KMT2E: variants seen among roughly 807,000 people sequenced by gnomAD.
KMT2E encodes lysine methyltransferase 2E (inactive).
Under a neutral mutation model 184.6 loss-of-function variants are expected in KMT2E, and 30 were observed. That is an observed-to-expected ratio of 0.16 (90% CI 0.12 to 0.22). The LOEUF (loss-of-function observed/expected upper bound fraction) is 0.22. KMT2E is among the 10% of genes least tolerant of loss of function. The pLI is 1.00. For synonymous variants in KMT2E, 815 were observed against 776.5 expected (o/e 1.05, Z -0.82); for missense variants, 2,023 against 2,237.4 (o/e 0.90, Z 1.93).
intron 3 of KMT2E, among the ~76,000 whole-genome samples, chr7:105,042,218 T>C (rs867227251): frequency 2.0e-4 from 31 of 152,150 alleles, no homozygotes; most frequent in African/African-American, 7.2e-4. Flanking sequence ...CTCGAACTCC[T>C]GGGCTCAAGC....
At chr7:105,087,113 T>A (rs1798006191) in intron 13 of KMT2E, among the ~76,000 whole-genome samples, 1 of 147,376 alleles carries the variant, frequency 6.8e-6, no homozygotes, top group Admixed American at 6.9e-5. Context: ...ATAGCATATG[T>A]GCTATGTATG....
chr7:105,106,565 A>G lies in KMT2E; in HGVS notation c.2640A>G (p.Leu880=). The G allele has an allele frequency of 1.2e-6, 2 of 1,612,536 alleles. No individual in the cohort carries two copies. Among genetic ancestry groups the G allele is most frequent in the Non-Finnish European group, 1.7e-6 (2 of 1,178,476 alleles). Residue 880 remains leucine (L), a synonymous_variant, in exon 20 of 27, where the codon CTA becomes CTG. Coordinates refer to ENST00000311117, the MANE Select transcript of KMT2E (RefSeq NM_182931.3). ...AAAAACGAAGATTTTATCAGTTGCT[A>G]GATTCGGTTTACTCAGAAACCTCCA... ...PLKKRRFYQL[L]DSVYSETSTP...
intron 26 of KMT2E, among the ~76,000 whole-genome samples, 166 bp from the exon 27 acceptor site, chr7:105,111,659 A>G (rs1799287105): frequency 6.6e-6 from 1 of 152,178 alleles, no homozygotes; most frequent in African/African-American, 2.4e-5. Context: ...CAACTGAAAA[A>G]TATTGGCCTT....
chr7:105,101,292 A>G lies in KMT2E; in HGVS notation c.1723-133A>G, dbSNP rs59290277. ...GAACAGAAATGTTTTTTCTCCCCAT[A>G]TCCACCAATAATAGAAGTAGTTTGC... On this transcript the variant is annotated intron_variant, in intron 15 of 26. Transcript: ENST00000311117. 5.0e-3 allele frequency: 2,775 copies of G among 551,492 alleles called. 76 individuals are homozygous for G. The East Asian group carries it at 0.059, about 12-fold the overall frequency. 34.2% of individuals were successfully genotyped at this position (551,492 alleles called of 1,614,324 possible).
chr7:105,067,096 AAGG>A (rs1467606528), intron 6 of KMT2E, among the ~76,000 whole-genome samples: 16 of 151,024 alleles, frequency 1.1e-4, no homozygotes, highest in Admixed American at 4.6e-4. Flanking sequence ...AAAAAGAAAA[AAGG>A]AGAATTAATG....
At position 105,109,033 on chromosome 7, in the gene KMT2E, A is replaced by C. The variant is rs1446783417; in HGVS notation, c.3560A>C (p.His1187Pro). ...ENFPLISVSP[H>P]ASGSLSNNGD... ...TTTCCACTCATTAGTGTATCACCCCATGCAAGTGGAAGCTTGAGCAACAAT... is the reference window on the plus strand; with the variant it reads ...TTTCCACTCATTAGTGTATCACCCCCTGCAAGTGGAAGCTTGAGCAACAAT... Residue 1187 changes from histidine to proline, a missense_variant, in exon 23 of 27, where the codon CAT (histidine) becomes CCT (proline). Physicochemically the swap from His to Pro is moderately conservative, Grantham distance 77. This residue lies in a region of KMT2E where 1,108 missense variants were observed against 1,050.9 expected (regional missense o/e 1.05). Transcript: ENST00000311117. 1 of 1,614,076 alleles carries C rather than the reference A, an allele frequency of 6.2e-7. No individual in the cohort carries two copies. Among genetic ancestry groups the C allele is most frequent in the Non-Finnish European group, 8.5e-7 (1 of 1,180,014 alleles).
chr7:105,103,348 T>A (rs1376098491), intron 17 of KMT2E: 1 of 152,228 alleles, frequency 6.6e-6, no homozygotes, highest in Non-Finnish European at 1.5e-5. Flanking sequence ...ACATACTGTT[T>A]GACAGAGTAC....
At chr7:105,023,401 T>TAAAAAA (rs1795033209) in intron 1 of KMT2E, among the ~76,000 whole-genome samples, 1 of 54,712 alleles carries the variant, frequency 1.8e-5, no homozygotes, top group African/African-American at 1.7e-4. Context: ...AGACTCTGTC[T>TAAAAAA]CAAAAAAAAA....
At chr7:105,015,334 C>T (rs1237849357) in intron 1 of KMT2E, among the ~76,000 whole-genome samples, 1 of 152,138 alleles carries the variant, frequency 6.6e-6, no homozygotes, top group African/African-American at 2.4e-5. Flanking sequence ...GAGAAAAAAA[C>T]AATCCAGAGT....
intron 6 of KMT2E, 39 bp downstream of exon 6, chr7:105,066,846 A>C (rs759890223): frequency 6.7e-6 from 9 of 1,338,224 alleles, no homozygotes; most frequent in African/African-American, 2.9e-5. Context: ...CAGTAATTTT[A>C]CTGAGGTAAT....
intron 3 of KMT2E, among the ~76,000 whole-genome samples, chr7:105,051,094 T>TTC (rs67837076): frequency 6.7e-6 from 1 of 149,356 alleles, no homozygotes; most frequent in Non-Finnish European, 1.5e-5. Context: ...TCTTTCTTTT[T>TTC]TCTCTCTCTC....
At chr7:105,035,854 C>T (rs138439482) in intron 1 of KMT2E, among the ~76,000 whole-genome samples, 224 of 152,232 alleles carry the variant, frequency 1.5e-3, no homozygotes, top group African/African-American at 5.0e-3. Context: ...CCACCACACC[C>T]GGCCATAAAC....
At position 105,113,388 on chromosome 7, in the gene KMT2E, A is replaced by T; in HGVS notation, c.*55A>T. 1.3e-6 allele frequency: 2 copies of T among 1,523,740 alleles called. No homozygotes were observed. The highest frequency in any genetic ancestry group is 1.8e-6 in the Non-Finnish European group (2 of 1,128,576). 94.4% of individuals were successfully genotyped at this position (1,523,740 alleles called of 1,614,324 possible). ...TTCTGTAAGATAAACTGTATATTTC[A>T]TATGTACCTGTTAAGGTACTTTTTA... On this transcript the variant is annotated 3_prime_UTR_variant, in exon 27 of 27. Coordinates refer to ENST00000311117, the MANE Select transcript of KMT2E (RefSeq NM_182931.3).
intron 12 of KMT2E, among the ~76,000 whole-genome samples, chr7:105,079,567 G>A (rs1382830805): frequency 1.5e-5 from 2 of 129,260 alleles, no homozygotes; most frequent in African/African-American, 3.0e-5. Context: ...TGTCTCCCAG[G>A]CTGGAGTGTG....
intron 5 of KMT2E, among the ~76,000 whole-genome samples, chr7:105,065,512 G>A (rs748126527): frequency 3.3e-5 from 5 of 152,220 alleles, no homozygotes; most frequent in South Asian, 2.1e-4. Context: ...GTTCCAAGAC[G>A]CCCAGTAGAT....
chr7:105,106,292 G>A (rs1329689167), intron 19 of KMT2E, among the ~76,000 whole-genome samples: 2 of 152,150 alleles, frequency 1.3e-5, no homozygotes, highest in Non-Finnish European at 2.9e-5. Flanking sequence ...AAGATACTTT[G>A]AGACCCCTAG....
intron 6 of KMT2E, among the ~76,000 whole-genome samples, chr7:105,070,876 G>C (rs1797256184): frequency 6.6e-6 from 1 of 152,034 alleles, no homozygotes; most frequent in Admixed American, 6.6e-5. Flanking sequence ...AATTATGTAA[G>C]AAGTATTCTA....
chr7:105,041,228 A>G lies in KMT2E; in HGVS notation c.71+205A>G, dbSNP rs566242915. On this transcript the variant is annotated intron_variant, in intron 3 of 26. Transcript: ENST00000311117. ...CTTTGTTTTCCTTTTAAATAGCATTACCACTAATATTCATTATTGGATTGA... is the reference window on the plus strand; with the variant it reads ...CTTTGTTTTCCTTTTAAATAGCATTGCCACTAATATTCATTATTGGATTGA... Among the ~76,000 whole-genome samples, 5 of 151,968 alleles carry G rather than the reference A, an allele frequency of 3.3e-5. No homozygotes were observed. The South Asian group carries it at 1.0e-3, about 32-fold the overall frequency.
chr7:105,074,819 C>A lies in KMT2E; in HGVS notation c.729+4C>A. 1 of 1,592,656 alleles carries A rather than the reference C, an allele frequency of 6.3e-7. No homozygotes were observed. Among genetic ancestry groups the A allele is most frequent in the Non-Finnish European group, 8.5e-7 (1 of 1,170,222 alleles). ...ACACATTTCAAAATGTAAAAAGGTA[C>A]GTTTTTGCTTGTTTTTAGGTGAGTG... On this transcript the variant is annotated splice_donor_region_variant and intron_variant, in intron 8 of 26. Coordinates refer to ENST00000311117, the MANE Select transcript of KMT2E (RefSeq NM_182931.3).
Sources: gnomAD v4.1 joint callset for allele counts (sites outside exome capture counted in the v4.1 genomes callset) on GRCh38, gnomAD v4.1.1 for gene constraint, gnomAD v4.1.1 regional missense constraint, MANE v1.5 for transcripts, NCBI Gene and HGNC (gene_info 2026-07-23, HGNC 2026-07-21) for gene names.